TMEM74: variants seen among roughly 807,000 people sequenced by gnomAD.
TMEM74 encodes the protein transmembrane protein 74.
TMEM74 carries 13 observed loss-of-function variants against 18.1 expected under a neutral mutation model. That is an observed-to-expected ratio of 0.72 (90% CI 0.47 to 1.14). The LOEUF (loss-of-function observed/expected upper bound fraction) is 1.14, where lower values mean the gene tolerates loss of function less well. Ranked by LOEUF, TMEM74 falls within the 50% of genes most tolerant of loss-of-function variation. The probability of loss-of-function intolerance (pLI) is 0.00; values close to 1 mark genes in which losing one functional copy is unlikely to be tolerated. For synonymous variants in TMEM74, 159 were observed against 146.6 expected (o/e 1.08, Z -0.61); for missense variants, 372 against 375.9 (o/e 0.99, Z 0.09).
intron 1 of TMEM74, among the ~76,000 whole-genome samples, chr8:108,771,736 T>G (rs1000854576): frequency 1.3e-5 from 2 of 152,194 alleles, no homozygotes; most frequent in Non-Finnish European, 2.9e-5. Context: ...GAGGTTTTTT[T>G]GGTATTTCCT....
intron 1 of TMEM74, among the ~76,000 whole-genome samples, chr8:108,733,133 C>A (rs1813712115): frequency 6.6e-6 from 1 of 152,080 alleles, no homozygotes; most frequent in Non-Finnish European, 1.5e-5. Context: ...ACCCTATGAC[C>A]CAGCAATTAT....
intron 2 of TMEM74, among the ~76,000 whole-genome samples, chr8:108,646,886 A>G (rs1415195987): frequency 6.6e-6 from 1 of 152,172 alleles, no homozygotes; most frequent in Admixed American, 6.5e-5. Context: ...TACATATTAC[A>G]TTGGAGAATA....
intron 3 of TMEM74, among the ~76,000 whole-genome samples, chr8:108,608,011 G>C (rs1812293976): frequency 1.3e-5 from 2 of 152,000 alleles, no homozygotes; most frequent in African/African-American, 4.8e-5. Context: ...AGGCTATGTA[G>C]AGAACTAAAC....
chr8:108,669,935 G>A (rs1438217770), intron 1 of TMEM74, among the ~76,000 whole-genome samples: 1 of 151,642 alleles, frequency 6.6e-6, no homozygotes, highest in Non-Finnish European at 1.5e-5. Context: ...GTATGGGGGA[G>A]GCTGAGGCAA....
intron 1 of TMEM74, among the ~76,000 whole-genome samples, chr8:108,702,890 A>G (rs1038459960): frequency 4.0e-5 from 6 of 151,544 alleles, no homozygotes; most frequent in African/African-American, 1.5e-4. Flanking sequence ...CTGTTAAAAA[A>G]CTCAGGTAAT....
rs1563543673 is a variant in TMEM74 at position 108,756,624 on chromosome 8, AAGGAAGGAAGGAAGG to A, written n.119+30837_119+30851del. 7.4e-4 allele frequency among the ~76,000 whole-genome samples: 70 copies of A among 94,986 alleles called. 1 individual carries two copies. Among genetic ancestry groups the A allele is most frequent in the African/African-American group, 3.2e-3 (70 of 21,660 alleles). The allele number at this position is 94,986 out of a possible 152,430, so 62.3% of individuals were successfully genotyped here. ...AAAGGAAGGAAGGAAGGAAGGAAGG[AAGGAAGGAAGGAAGG>A]AAGAAAGAAAGAGAAAGAAAGAAAG... On this transcript the variant is annotated intron_variant and non_coding_transcript_variant, in intron 1 of 3. Transcript: ENST00000518838.
At chr8:108,624,179 C>T (rs1812470937) in intron 2 of TMEM74, among the ~76,000 whole-genome samples, 1 of 152,006 alleles carries the variant, frequency 6.6e-6, no homozygotes. Flanking sequence ...ATTCTCTTGC[C>T]TTTATTTTAA....
intron 1 of TMEM74, among the ~76,000 whole-genome samples, chr8:108,711,541 G>T (rs1586269861): frequency 1.3e-5 from 2 of 152,172 alleles, no homozygotes; most frequent in Admixed American, 1.3e-4. Context: ...ATATGAGAAG[G>T]CAGAAGAGCC....
chr8:108,753,510 C>A (rs1483363190), intron 1 of TMEM74, among the ~76,000 whole-genome samples: 2 of 152,084 alleles, frequency 1.3e-5, no homozygotes, highest in Non-Finnish European at 1.5e-5. Context: ...TGGATGGCAA[C>A]TTTAGGTGTT....
chr8:108,686,787 C>G (rs955812964), intron 1 of TMEM74, among the ~76,000 whole-genome samples: 2 of 152,054 alleles, frequency 1.3e-5, no homozygotes, highest in African/African-American at 4.8e-5. Flanking sequence ...ACTACTCAGC[C>G]AGTACAAAGC....
chr8:108,637,121 A>G (rs574597046), intron 2 of TMEM74, among the ~76,000 whole-genome samples: 1 of 152,236 alleles, frequency 6.6e-6, no homozygotes, highest in Admixed American at 6.5e-5. Context: ...CAAGCATTAT[A>G]TTCTCTAATT....
At chr8:108,678,159 A>C (rs1384929082) in intron 1 of TMEM74, among the ~76,000 whole-genome samples, 1 of 152,218 alleles carries the variant, frequency 6.6e-6, no homozygotes, top group Non-Finnish European at 1.5e-5. Flanking sequence ...TATTTTCAAC[A>C]GATTATCTCT....
At chr8:108,726,170 T>A (rs1813636290) in intron 1 of TMEM74, among the ~76,000 whole-genome samples, 1 of 152,160 alleles carries the variant, frequency 6.6e-6, no homozygotes, top group Admixed American at 6.5e-5. Flanking sequence ...ATGGTAAGAC[T>A]ATATATCATC....
intron 2 of TMEM74, among the ~76,000 whole-genome samples, chr8:108,609,378 T>G (rs1812311429): frequency 6.6e-6 from 1 of 152,234 alleles, no homozygotes; most frequent in Non-Finnish European, 1.5e-5. Flanking sequence ...CTGGGTGTGG[T>G]GGCTCACACC....
intron 1 of TMEM74, among the ~76,000 whole-genome samples, chr8:108,678,085 C>G (rs1230303479): frequency 6.6e-6 from 1 of 152,140 alleles, no homozygotes; most frequent in Admixed American, 6.6e-5. Flanking sequence ...TGCTACTTAA[C>G]AGTGTTGTCT....
downstream of TMEM74, among the ~76,000 whole-genome samples, chr8:108,776,728 C>CATGATG (rs71305917): frequency 0.036 from 5,273 of 147,958 alleles, 193 homozygotes; most frequent in African/African-American, 0.093. Context: ...GCAGTTTCCA[C>CATGATG]ATGATGATGA....
chr8:108,611,279 G>C (rs768039477), intron 2 of TMEM74, among the ~76,000 whole-genome samples: 1 of 152,096 alleles, frequency 6.6e-6, no homozygotes, highest in Non-Finnish European at 1.5e-5. Flanking sequence ...CAAAGATTTA[G>C]GAGTTTAAAT....
chr8:108,758,836 C>T (rs770263463), intron 1 of TMEM74, among the ~76,000 whole-genome samples: 6 of 151,974 alleles, frequency 3.9e-5, no homozygotes, highest in Non-Finnish European at 7.4e-5. Flanking sequence ...CCACCATTTA[C>T]AATGGGTACT....
At chr8:108,635,703 G>T (rs573138608) in intron 2 of TMEM74, among the ~76,000 whole-genome samples, 1 of 151,910 alleles carries the variant, frequency 6.6e-6, no homozygotes, top group African/African-American at 2.4e-5. Context: ...CTCAGCTTAC[G>T]TCCCTTTTCA....
Sources: allele counts gnomAD v4.1 joint callset (sites outside exome capture counted in the v4.1 genomes callset), GRCh38; gene constraint gnomAD v4.1.1; transcripts MANE v1.5; gene names NCBI Gene and HGNC (gene_info 2026-07-23, HGNC 2026-07-21).